The following ZUP1 variants were observed in gnomAD, a reference collection of about 807,000 sequenced individuals.
The protein encoded by ZUP1 is zinc finger-containing ubiquitin peptidase 1.
Under a neutral mutation model 68.1 loss-of-function variants are expected in ZUP1, and 55 were observed. The observed-to-expected ratio is 0.81, with a 90% CI of 0.65 to 1.01. The LOEUF (loss-of-function observed/expected upper bound fraction) is 1.01. Ranked by LOEUF, ZUP1 falls within the 50% of genes least tolerant of loss-of-function variation. The pLI is 0.00. For synonymous variants in ZUP1, 223 were observed against 221.5 expected (o/e 1.01, Z -0.06); for missense variants, 684 against 674.9 (o/e 1.01, Z -0.15).
intron 2 of ZUP1, 99 bp downstream of exon 2, chr6:116,666,535 A>C: frequency 2.2e-6 from 2 of 920,236 alleles, no homozygotes; most frequent in East Asian, 2.7e-5. Flanking sequence ...GGATTTCAAA[A>C]CACATCTGTA....
At chr6:116,641,338 C>T (rs1405207340) in intron 9 of ZUP1, among the ~76,000 whole-genome samples, 3 of 152,142 alleles carry the variant, frequency 2.0e-5, no homozygotes, top group Admixed American at 1.3e-4. Flanking sequence ...ACCAAGCGGA[C>T]CTAATAGACA....
intron 9 of ZUP1, among the ~76,000 whole-genome samples, chr6:116,636,149 G>T (rs1435754083): frequency 6.6e-6 from 1 of 152,096 alleles, no homozygotes; most frequent in African/African-American, 2.4e-5. Context: ...AAAGTAAAAT[G>T]CTGCCTCAAA....
chr6:116,666,647 G>A lies in ZUP1; in HGVS notation c.546C>T (p.Asp182=), dbSNP rs1000594979. Residue 182 remains aspartate (D), a synonymous_variant, in exon 2 of 10, where the codon GAC becomes GAT. Coordinates refer to ENST00000368576, the MANE Select transcript of ZUP1 (RefSeq NM_145062.3). The part of the protein sequence containing the change: ...HVKTKHANLL[D]IPLEDCDQPL... ...TGAAAACTTTACCTTCCAATGGAAT[G>A]TCTAAAAGATTGGCATGCTTTGTTT... The A allele has an allele frequency of 6.3e-7, 1 of 1,579,980 alleles. No individual in the cohort carries two copies.
rs182000305 is a variant in ZUP1, at chr6:116,640,119, G to C, written c.1690-4240C>G. ...GAAGATGAAATGAATGAAATGAAGC[G>C]AGAAGGGAAGTTTAGAGAAAAAAGA... On this transcript the variant is annotated intron_variant, in intron 9 of 9. Transcript: ENST00000368576. Among the ~76,000 whole-genome samples, 29 of 151,868 alleles carry C rather than the reference G, an allele frequency of 1.9e-4. No individual in the cohort carries two copies. In the South Asian group the frequency reaches 2.9e-3, roughly 15 times the overall value.
chr6:116,652,105 T>G lies in ZUP1; in HGVS notation c.1049A>C (p.His350Pro), dbSNP rs1385205538. The G allele has an allele frequency of 6.2e-7, 1 of 1,614,038 alleles. No individual in the cohort carries two copies. Among genetic ancestry groups the G allele is most frequent in the Non-Finnish European group, 8.5e-7 (1 of 1,179,914 alleles). ...CCAACCTTTGTCGCCTAAAGATGAATGAAAGTGATCCACCACTGAAGAAAG... is the reference window on the plus strand; with the variant it reads ...CCAACCTTTGTCGCCTAAAGATGAAGGAAAGTGATCCACCACTGAAGAAAG... Reference protein sequence around the residue: ...VWLSSVVDHFHSSLGDKGWGC... With the variant: ...VWLSSVVDHFPSSLGDKGWGC... Residue 350 changes from histidine (H) to proline (P), a missense_variant, in exon 6 of 10, where the codon CAT becomes CCT. Physicochemically the swap from His to Pro is moderately conservative, Grantham distance 77. Coordinates refer to ENST00000368576, the MANE Select transcript of ZUP1 (RefSeq NM_145062.3).
intron 9 of ZUP1, among the ~76,000 whole-genome samples, chr6:116,638,494 A>G (rs1775971120): frequency 6.6e-6 from 1 of 152,238 alleles, no homozygotes; most frequent in South Asian, 2.1e-4. Flanking sequence ...GTTAAATTCT[A>G]GAAATGTGAA....
At chr6:116,650,895 A>G (rs1218133916) in intron 7 of ZUP1, among the ~76,000 whole-genome samples, 3 of 151,828 alleles carry the variant, frequency 2.0e-5, no homozygotes, top group African/African-American at 7.3e-5. Context: ...AATAGGTTAT[A>G]CATTTTAAAA....
chr6:116,638,463 A>G (rs1409115505), intron 9 of ZUP1, among the ~76,000 whole-genome samples: 1 of 152,182 alleles, frequency 6.6e-6, no homozygotes, highest in African/African-American at 2.4e-5. Context: ...AGGAATAAAG[A>G]CAAGAGGAAA....
At position 116,667,088 on chromosome 6, in the gene ZUP1, C is replaced by T; in HGVS notation, c.105G>A (p.Lys35=). 1 of 1,613,750 alleles carries T rather than the reference C, an allele frequency of 6.2e-7. No homozygotes were observed. Among genetic ancestry groups the T allele is most frequent in the Non-Finnish European group, 8.5e-7 (1 of 1,179,832 alleles). Residue 35 remains lysine (K), a synonymous_variant, in exon 2 of 10, where the codon AAG becomes AAA. Transcript: ENST00000368576. The part of the protein sequence containing the change: ...MESEIICPFC[K]LSGVNYDEMC... ...TTTCATCATAATTCACACCTGACAA[C>T]TTGCAAAATGGACATATAATTTCAC...
At chr6:116,658,710 A>G in intron 4 of ZUP1, 93 bp downstream of exon 4, 1 of 1,283,910 alleles carries the variant, frequency 7.8e-7, no homozygotes, top group South Asian at 1.6e-5. Flanking sequence ...TTTTTTTTGA[A>G]TAATAACAAG....
intron 9 of ZUP1, among the ~76,000 whole-genome samples, chr6:116,640,071 T>C (rs567163292): frequency 6.6e-6 from 1 of 152,242 alleles, no homozygotes; most frequent in Admixed American, 6.5e-5. Context: ...TGTGATCAGC[T>C]GGAAGAAAGG....
chr6:116,642,953 A>G (rs1224865444), intron 9 of ZUP1, among the ~76,000 whole-genome samples: 1 of 152,242 alleles, frequency 6.6e-6, no homozygotes, highest in Non-Finnish European at 1.5e-5. Context: ...GTCTCAGCCC[A>G]AAATCTCCTT....
At chr6:116,653,325 C>T (rs1776572229) in intron 5 of ZUP1, among the ~76,000 whole-genome samples, 1 of 152,032 alleles carries the variant, frequency 6.6e-6, no homozygotes, top group Non-Finnish European at 1.5e-5. Flanking sequence ...ACATACTCTA[C>T]AGACTCTGTG....
rs1357928648 is a variant in ZUP1 at position 116,645,786 on chromosome 6, A to G, written c.1617T>C (p.Ser539=). 6.2e-7 allele frequency: 1 copy of G among 1,613,764 alleles called. No homozygotes were observed. Among genetic ancestry groups the G allele is most frequent in the Non-Finnish European group, 8.5e-7 (1 of 1,179,924 alleles). The change falls in exon 9 of 10, where the codon TCT becomes TCC. Residue 539 remains serine (S), a synonymous_variant. Coordinates refer to ENST00000368576, the MANE Select transcript of ZUP1 (RefSeq NM_145062.3). ...ATTGCTTATGTTTTAAATTTCCCATAGATTTCCGAAGTTGCTTGAGACTGC... is the reference window on the plus strand; with the variant it reads ...ATTGCTTATGTTTTAAATTTCCCATGGATTTCCGAAGTTGCTTGAGACTGC... The part of the protein sequence containing the change: ...EASSLKQLRK[S]MGNLKHKQYQ...
rs1308210947 is a variant in ZUP1, at chr6:116,664,030, A to G, written c.559+2604T>C. The stretch of plus-strand genomic sequence containing the variant: ...ATCTATAAAAATTGATAGTGTTTCT[A>G]TAAAACTGCAAAAGTTTCTTAGATG... On this transcript the variant is annotated intron_variant, in intron 2 of 9. Transcript: ENST00000368576. Among the ~76,000 whole-genome samples, 3 of 152,240 alleles carry G rather than the reference A, an allele frequency of 2.0e-5. No individual in the cohort carries two copies. In the East Asian group the frequency reaches 5.8e-4, roughly 29 times the overall value.
intron 5 of ZUP1, among the ~76,000 whole-genome samples, chr6:116,652,756 G>C (rs1440308198): frequency 3.3e-5 from 5 of 152,010 alleles, no homozygotes; most frequent in African/African-American, 1.2e-4. Context: ...TAATTAATTT[G>C]TTTGAGACAA....
At chr6:116,663,322 T>A (rs6926619) in intron 2 of ZUP1, among the ~76,000 whole-genome samples, 55,387 of 151,992 alleles carry the variant, frequency 0.36, 10,733 homozygotes, top group African/African-American at 0.5. Context: ...ATCATTCCCT[T>A]AAAAACACCT....
intron 9 of ZUP1, among the ~76,000 whole-genome samples, chr6:116,639,333 C>T (rs1474199925): frequency 6.6e-6 from 1 of 152,236 alleles, no homozygotes; most frequent in African/African-American, 2.4e-5. Flanking sequence ...TTGAGGAGAG[C>T]AGTGGTTCCC....
chr6:116,641,937 C>T (rs983604352), intron 9 of ZUP1, among the ~76,000 whole-genome samples: 28 of 151,930 alleles, frequency 1.8e-4, no homozygotes, highest in African/African-American at 6.5e-4. Flanking sequence ...ATTGATAGAC[C>T]GCTAGCAAGA....
Sources: gnomAD v4.1 joint callset for allele counts (sites outside exome capture counted in the v4.1 genomes callset) on GRCh38, gnomAD v4.1.1 for gene constraint, MANE v1.5 for transcripts, NCBI Gene and HGNC (gene_info 2026-07-23, HGNC 2026-07-21) for gene names.